CLSTN1: variants seen among roughly 807,000 people sequenced by gnomAD.
CLSTN1 encodes calsyntenin 1.
In CLSTN1, 28 loss-of-function variants were observed where a neutral mutation model predicts 108.3. That is an observed-to-expected ratio of 0.26 (90% confidence interval 0.19 to 0.35). CLSTN1 has a LOEUF of 0.35. Ranked by LOEUF, CLSTN1 falls within the 10% of genes least tolerant of loss-of-function variation. The pLI, the probability that CLSTN1 is intolerant of heterozygous loss-of-function variation, is 1.00. For missense variants in CLSTN1, 1,157 were observed against 1,302.6 expected (o/e 0.89, Z 1.72); for synonymous variants, 524 against 534.9 (o/e 0.98, Z 0.28).
chr1:9,792,089 G>A (rs993905558), intron 1 of CLSTN1, among the ~76,000 whole-genome samples: 1 of 151,072 alleles, frequency 6.6e-6, no homozygotes, highest in Non-Finnish European at 1.5e-5. Flanking sequence ...GGCTGGGGCA[G>A]GAGAATCATT....
intron 1 of CLSTN1, among the ~76,000 whole-genome samples, chr1:9,790,490 G>A (rs1557716592): frequency 6.6e-6 from 1 of 151,294 alleles, no homozygotes; most frequent in Non-Finnish European, 1.5e-5. Context: ...ATACGGTCAT[G>A]GTGTATCATT....
rs930172528 is a variant in CLSTN1, at chr1:9,734,612, G to A, written c.2110+336C>T. 2.6e-5 allele frequency among the ~76,000 whole-genome samples: 4 copies of A among 151,120 alleles called. No homozygotes were observed. The highest frequency in any genetic ancestry group is 5.9e-5 in the Non-Finnish European group (4 of 67,894). On this transcript the variant is annotated intron_variant, in intron 14 of 18. Transcript: ENST00000377298. The surrounding 1 kb of genome is among the most constrained non-coding windows in gnomAD (Gnocchi z 4.8). ...AAAGGGGGGGAGTTTCATGTGTCCT[G>A]AGCAAGAATTGTGGGGACATTGTGC...
chr1:9,733,737 G>A (rs749767797), intron 15 of CLSTN1, among the ~76,000 whole-genome samples, 191 bp from the exon 16 acceptor site: 5 of 152,160 alleles, frequency 3.3e-5, no homozygotes, highest in Non-Finnish European at 7.3e-5. Flanking sequence ...TGTGGGGGAC[G>A]TGTCATCCCA....
intron 2 of CLSTN1, among the ~76,000 whole-genome samples, chr1:9,763,425 G>A (rs921647410): frequency 1.3e-5 from 2 of 152,194 alleles, no homozygotes; most frequent in Non-Finnish European, 1.5e-5. Context: ...CAGAAATTCT[G>A]ACTTGGTGGT....
At position 9,734,533 on chromosome 1, in the gene CLSTN1, C is replaced by T. The variant is rs1650577635; in HGVS notation, c.2111-391G>A. On this transcript the variant is annotated intron_variant, in intron 14 of 18. Transcript: ENST00000377298. This position sits in a 1 kb window ranked among gnomAD's most constrained non-coding sequence, Gnocchi z 4.8. Reference sequence around the variant, plus strand: ...GATGCTGCAGTTAGCCAAGATGACACCATTGCACTCCAGCCTGGGCGACAG... The same window carrying T: ...GATGCTGCAGTTAGCCAAGATGACATCATTGCACTCCAGCCTGGGCGACAG... 6.6e-6 allele frequency among the ~76,000 whole-genome samples: 1 copy of T among 151,388 alleles called. No homozygotes were observed. Among genetic ancestry groups the T allele is most frequent in the Admixed American group, 6.6e-5 (1 of 15,192 alleles).
rs752693282 is a variant in CLSTN1, at chr1:9,781,377, T to C, written c.92-7983A>G. On this transcript the variant is annotated intron_variant, in intron 1 of 18. Coordinates refer to ENST00000377298, the MANE Select transcript of CLSTN1 (RefSeq NM_001009566.3). ...CCTTTTTAAAAGAATTATAAAACCATAGCATTATAAATCAGTGGAAAGTGG... is the reference window on the plus strand; with the variant it reads ...CCTTTTTAAAAGAATTATAAAACCACAGCATTATAAATCAGTGGAAAGTGG... 5 of 469,896 alleles carry C rather than the reference T, an allele frequency of 1.1e-5. No homozygotes were observed. In the Admixed American group the frequency reaches 1.3e-4, roughly 12 times the overall value. 29.1% of individuals were successfully genotyped at this position (469,896 alleles called of 1,614,324 possible). A position where few individuals can be genotyped will look rare whatever the true frequency, so the allele number is the denominator to read the frequency against.
intron 7 of CLSTN1, 73 bp downstream of exon 7, chr1:9,749,388 G>T: frequency 7.7e-7 from 1 of 1,302,692 alleles, no homozygotes; most frequent in South Asian, 1.4e-5. Flanking sequence ...ACACACACAA[G>T]TATTTCCAGT....
intron 4 of CLSTN1, among the ~76,000 whole-genome samples, chr1:9,752,052 T>G (rs1651584230): frequency 1.3e-5 from 2 of 151,736 alleles, no homozygotes; most frequent in Admixed American, 6.6e-5. Flanking sequence ...AATTATAAAG[T>G]TGAAACATAT....
intron 18 of CLSTN1, chr1:9,731,003 C>A (rs1391935460): frequency 4.6e-6 from 3 of 654,742 alleles, no homozygotes; most frequent in Non-Finnish European, 2.6e-6. Flanking sequence ...TGGCATGGCT[C>A]TTCTCTACAC....
chr1:9,779,789 G>T (rs1050082317), intron 1 of CLSTN1, among the ~76,000 whole-genome samples: 11 of 151,838 alleles, frequency 7.2e-5, no homozygotes, highest in African/African-American at 2.7e-4. Flanking sequence ...AGTTACAGAT[G>T]TAAGATAGGC....
intron 1 of CLSTN1, among the ~76,000 whole-genome samples, chr1:9,790,483 C>T (rs141805286): frequency 2.0e-5 from 3 of 151,450 alleles, no homozygotes; most frequent in South Asian, 2.2e-4. Flanking sequence ...AGATCCTATA[C>T]GGTCATGGTG....
At chr1:9,817,134 A>C (rs1655004244) in intron 1 of CLSTN1, among the ~76,000 whole-genome samples, 1 of 152,186 alleles carries the variant, frequency 6.6e-6, no homozygotes, top group African/African-American at 2.4e-5. Flanking sequence ...TGAGAGGATG[A>C]GGTGGGAGGA....
At chr1:9,774,459 G>A (rs1026698910) in intron 1 of CLSTN1, among the ~76,000 whole-genome samples, 5 of 151,894 alleles carry the variant, frequency 3.3e-5, no homozygotes, top group African/African-American at 4.8e-5. Context: ...CCAGCTACTC[G>A]GGAGGCTGAG....
Position 9,823,467 on chromosome 1 carries a change from C to G in CLSTN1, c.91+176G>C, listed in dbSNP as rs1478461183. Among the ~76,000 whole-genome samples the G allele has an allele frequency of 6.6e-6, 1 of 152,112 alleles. No homozygotes were observed. The highest frequency in any genetic ancestry group is 1.5e-5 in the Non-Finnish European group (1 of 67,992). On this transcript the variant is annotated intron_variant, in intron 1 of 18. Transcript: ENST00000377298. This position sits in a 1 kb window ranked among gnomAD's most constrained non-coding sequence, Gnocchi z 6.3. Reference sequence around the variant, plus strand: ...GCGAGCCCGACCCCCAACCCGAACCCCACGCCCTGACCCGGCTCCCTGCGC... The same window carrying G: ...GCGAGCCCGACCCCCAACCCGAACCGCACGCCCTGACCCGGCTCCCTGCGC...
intron 2 of CLSTN1, among the ~76,000 whole-genome samples, chr1:9,767,167 T>A (rs1227066646): frequency 1.3e-5 from 2 of 152,228 alleles, no homozygotes; most frequent in Non-Finnish European, 2.9e-5. Flanking sequence ...TAGCTTCTCC[T>A]GCTGTCACGC....
chr1:9,804,565 G>A (rs1294326054), intron 1 of CLSTN1, among the ~76,000 whole-genome samples: 5 of 151,876 alleles, frequency 3.3e-5, no homozygotes, highest in Non-Finnish European at 7.4e-5. Context: ...GCAAGGAGTG[G>A]CAGGAGCTGT....
chr1:9,806,860 C>A (rs1654529686), intron 1 of CLSTN1, among the ~76,000 whole-genome samples: 1 of 152,122 alleles, frequency 6.6e-6, no homozygotes, highest in South Asian at 2.1e-4. Flanking sequence ...GCCTGGGCAA[C>A]AGAGTGAGAT....
rs1371827474 is a variant in CLSTN1, at chr1:9,734,587, AAAG to A, written c.2110+358_2110+360del. Among the ~76,000 whole-genome samples, 2 of 151,704 alleles carry A rather than the reference AAAG, an allele frequency of 1.3e-5. No homozygotes were observed. Among genetic ancestry groups the A allele is most frequent in the South Asian group, 2.1e-4 (1 of 4,808 alleles). The stretch of plus-strand genomic sequence containing the variant: ...GAGACTCCATCTCAAAAAAAAAAAA[AAAG>A]GGGGGGAGTTTCATGTGTCCTGAGC... On this transcript the variant is annotated intron_variant, in intron 14 of 18. Coordinates refer to ENST00000377298, the MANE Select transcript of CLSTN1 (RefSeq NM_001009566.3). The surrounding 1 kb of genome is among the most constrained non-coding windows in gnomAD (Gnocchi z 4.8).
At chr1:9,808,430 T>C (rs993248243) in intron 1 of CLSTN1, among the ~76,000 whole-genome samples, 3 of 152,226 alleles carry the variant, frequency 2.0e-5, no homozygotes, top group African/African-American at 7.2e-5. Context: ...TTTGGAGCTT[T>C]ATAAGCATTG....
Sources: gnomAD v4.1 joint callset for allele counts (sites outside exome capture counted in the v4.1 genomes callset) on GRCh38, gnomAD v4.1.1 for gene constraint, Gnocchi (gnomAD v3.1) non-coding constraint, MANE v1.5 for transcripts, NCBI Gene and HGNC (gene_info 2026-07-23, HGNC 2026-07-21) for gene names.